RADX: variants seen among roughly 807,000 people sequenced by gnomAD.
RADX encodes RPA-related protein RADX.
Under a neutral mutation model 61.6 loss-of-function variants are expected in RADX, and 36 were observed. The observed-to-expected ratio is 0.58, with a 90% confidence interval of 0.45 to 0.77. RADX has a LOEUF of 0.77. Ranked by LOEUF, RADX falls within the 30% of genes least tolerant of loss-of-function variation. The probability of loss-of-function intolerance (pLI) is 0.00; values close to 1 mark genes in which losing one functional copy is unlikely to be tolerated. For missense variants in RADX, 497 were observed against 651.1 expected (o/e 0.76, Z 2.58); for synonymous variants, 272 against 237.9 (o/e 1.14, Z -1.32).
intron 13 of RADX, among the ~76,000 whole-genome samples, chrX:106,672,753 G>A (rs1452029103): frequency 8.9e-6 from 1 of 111,818 alleles, no homozygotes; most frequent in Non-Finnish European, 1.9e-5. Flanking sequence ...AGGTCCAGAC[G>A]TGCCATCCAG....
chrX:106,640,415 T>G (rs1297069020), intron 9 of RADX, 137 bp from the exon 10 acceptor site: 12 of 418,161 alleles, frequency 2.9e-5, no homozygotes, highest in Non-Finnish European at 4.9e-5. Flanking sequence ...TCAATCATTT[T>G]CATAAAAGCA....
chrX:106,673,670 TC>T (rs201594743), intron 13 of RADX, among the ~76,000 whole-genome samples: 3 of 96,565 alleles, frequency 3.1e-5, no homozygotes, highest in Admixed American at 1.1e-4. Flanking sequence ...AGGTTGTGTC[TC>T]CCCCCCATCC....
At chrX:106,659,140 C>CTAT (rs755279172) in intron 11 of RADX, among the ~76,000 whole-genome samples, 3 of 110,413 alleles carry the variant, frequency 2.7e-5, no homozygotes, top group Admixed American at 9.7e-5. Flanking sequence ...ATTACTATTA[C>CTAT]TATTATTATT....
Position 106,639,516 on chromosome X carries a change from CT to C in RADX, c.1574-5del. The C allele has an allele frequency of 8.6e-7, 1 of 1,159,652 alleles. No individual in the cohort carries two copies. Among genetic ancestry groups the C allele is most frequent in the Non-Finnish European group, 1.1e-6 (1 of 869,733 alleles). ...CTTTAAAACTTACAATTTTCTTGGA[CT>C]TTTTTGCAGTTGAGTCGCTCTTGAC... On this transcript the variant is annotated splice_polypyrimidine_tract_variant and intron_variant, in intron 8 of 13. Transcript: ENST00000372548.
intron 12 of RADX, among the ~76,000 whole-genome samples, chrX:106,668,505 T>C (rs1928283609): frequency 8.9e-6 from 1 of 112,091 alleles, no homozygotes; most frequent in Admixed American, 9.5e-5. Flanking sequence ...TTTATTTAAA[T>C]GCTATTCATC....
At chrX:106,661,807 G>A (rs757693612) in intron 11 of RADX, among the ~76,000 whole-genome samples, 8 of 111,408 alleles carry the variant, frequency 7.2e-5, no homozygotes, top group Admixed American at 2.9e-4. Context: ...AGTATTTTAC[G>A]GTAAAAGTTT....
At chrX:106,626,004 G>T (rs1050848484) in intron 3 of RADX, among the ~76,000 whole-genome samples, 1 of 111,492 alleles carries the variant, frequency 9.0e-6, no homozygotes, top group African/African-American at 3.3e-5. Context: ...CCTATAGTCA[G>T]TATTCAAATT....
chrX:106,675,340 C>T (rs1011510465), intron 13 of RADX, among the ~76,000 whole-genome samples: 1 of 112,382 alleles, frequency 8.9e-6, no homozygotes, highest in African/African-American at 3.2e-5. Flanking sequence ...GTCACAGACA[C>T]TTTAACTCAA....
At chrX:106,617,542 A>G (rs1926842044) in intron 1 of RADX, among the ~76,000 whole-genome samples, 1 of 111,724 alleles carries the variant, frequency 9.0e-6, no homozygotes, top group Non-Finnish European at 1.9e-5. Flanking sequence ...TTTGCTTTAG[A>G]TGTTACTATA....
chrX:106,661,948 TGCAGTGAA>T, intron 11 of RADX, 59 bp from the exon 12 acceptor site: 2 of 969,242 alleles, frequency 2.1e-6, no homozygotes, highest in Admixed American at 2.9e-5. Flanking sequence ...GGTTTTTTTT[TGCAGTGAA>T]TGACTTGATT....
At chrX:106,632,241 C>G (rs983540069) in intron 3 of RADX, among the ~76,000 whole-genome samples, 6 of 111,695 alleles carry the variant, frequency 5.4e-5, no homozygotes, top group African/African-American at 1.9e-4. Flanking sequence ...AAGAAAACTG[C>G]TACATGCAGC....
Position 106,639,635 on chromosome X carries a change from A to G in RADX, c.1682A>G (p.Tyr561Cys). 8.3e-7 allele frequency: 1 copy of G among 1,203,940 alleles called. No individual in the cohort carries two copies. Among genetic ancestry groups the G allele is most frequent in the Non-Finnish European group, 1.1e-6 (1 of 891,141 alleles). ...CAGGGGATAATTACTGCTATAAAGT[A>G]TATCCCCCATAGCAGTGCGACTGAA... ...AIQGIITAIK[Y>C]IPHSSATESA... The change falls in exon 9 of 14, where the codon TAT becomes TGT. Residue 561 changes from tyrosine to cysteine, a missense_variant. Tyr to Cys is a radical substitution (Grantham distance 194). Transcript: ENST00000372548.
At chrX:106,653,351 G>A (rs1022160822) in intron 11 of RADX, among the ~76,000 whole-genome samples, 2 of 110,291 alleles carry the variant, frequency 1.8e-5, no homozygotes, top group African/African-American at 6.6e-5. Flanking sequence ...GAGGGGATAT[G>A]GAAATGCACT....
Position 106,636,593 on chromosome X carries a change from G to A in RADX, c.1354G>A (p.Val452Ile). The A allele has an allele frequency of 1.7e-6, 2 of 1,205,100 alleles. No individual in the cohort carries two copies. Among genetic ancestry groups the A allele is most frequent in the Non-Finnish European group, 2.2e-6 (2 of 890,183 alleles). The stretch of plus-strand genomic sequence containing the variant: ...GAAAGTTGTCAGAAATGACAATCAA[G>A]TACCTAAGCTGCTTTACCTCACCAC... ...QLKVVRNDNQVPKLLYLTTTN... is the reference protein window; with the variant it reads ...QLKVVRNDNQIPKLLYLTTTN... Residue 452 changes from valine (V) to isoleucine (I), a missense_variant, in exon 7 of 14, where the codon GTA becomes ATA. By Grantham distance (29) the Val-to-Ile change is conservative. Coordinates refer to ENST00000372548, the MANE Select transcript of RADX (RefSeq NM_018015.6).
intron 11 of RADX, among the ~76,000 whole-genome samples, chrX:106,649,769 G>T (rs1927751030): frequency 2.7e-5 from 3 of 111,433 alleles, no homozygotes; most frequent in Non-Finnish European, 5.7e-5. Context: ...GCTGCAGAAA[G>T]AAATAAATCC....
intron 12 of RADX, 61 bp from the exon 13 acceptor site, chrX:106,669,102 G>A (rs1928301572): frequency 7.6e-6 from 7 of 921,294 alleles, no homozygotes; most frequent in Middle Eastern, 3.8e-4. Flanking sequence ...CAGCAAACTC[G>A]GCATCAGCAC....
chrX:106,642,925 ATT>A (rs1227906569), intron 10 of RADX, among the ~76,000 whole-genome samples: 1 of 111,576 alleles, frequency 9.0e-6, no homozygotes, highest in Non-Finnish European at 1.9e-5. Flanking sequence ...TATTGCCTGT[ATT>A]TTGGATTTAA....
chrX:106,676,619 C>T (rs780495540), intron 13 of RADX, among the ~76,000 whole-genome samples: 1 of 112,446 alleles, frequency 8.9e-6, no homozygotes, highest in Admixed American at 9.4e-5. Flanking sequence ...CCACTAAAGT[C>T]TGTGATGCAT....
intron 13 of RADX, among the ~76,000 whole-genome samples, chrX:106,673,492 C>T (rs1360353828): frequency 9.1e-6 from 1 of 109,598 alleles, no homozygotes; most frequent in Non-Finnish European, 1.9e-5. Flanking sequence ...CCCTATCTTG[C>T]TGTGTCTTCT....
Sources: gnomAD v4.1 joint callset for allele counts (sites outside exome capture counted in the v4.1 genomes callset) on GRCh38, gnomAD v4.1.1 for gene constraint, MANE v1.5 for transcripts, NCBI Gene and HGNC (gene_info 2026-07-23, HGNC 2026-07-21) for gene names.